Variants in GTF2I observed in about 807,000 individuals in gnomAD.
The protein encoded by GTF2I is general transcription factor IIi, also known as general transcription factor II-I.
A neutral mutation model predicts 67.6 loss-of-function variants in GTF2I; 12 were observed. That is an observed-to-expected ratio of 0.18 (90% CI 0.11 to 0.29). GTF2I has a LOEUF of 0.29. Ranked by LOEUF, GTF2I falls within the 10% of genes least tolerant of loss-of-function variation. GTF2I has a pLI of 1.00. For synonymous variants in GTF2I, 149 were observed against 197.0 expected, an observed-to-expected ratio of 0.76 and a Z score of 2.04; for missense variants, 271 against 580.1, an observed-to-expected ratio of 0.47 and a Z score of 5.47.
At chr7:74,658,556 C>T (rs1554384797) in intron 1 of GTF2I, among the ~76,000 whole-genome samples, 2 of 149,932 alleles carry the variant, frequency 1.3e-5, no homozygotes, top group Non-Finnish European at 3.0e-5. Context: ...GGGTCGCGCT[C>T]GCCTGGTGTA....
intron 1 of GTF2I, among the ~76,000 whole-genome samples, chr7:74,676,880 A>C (rs908379234): frequency 6.6e-6 from 1 of 151,940 alleles, no homozygotes; most frequent in African/African-American, 2.4e-5. Context: ...ACATGGGGAA[A>C]CCCTGTCTCT....
chr7:74,659,238 T>A (rs1804252224), intron 1 of GTF2I, among the ~76,000 whole-genome samples: 1 of 151,946 alleles, frequency 6.6e-6, no homozygotes, highest in African/African-American at 2.4e-5. Context: ...TTCTTTTTTT[T>A]TTTTAGAAAC....
intron 1 of GTF2I, among the ~76,000 whole-genome samples, chr7:74,679,106 TCTCA>T (rs1462760834): frequency 6.7e-6 from 1 of 150,104 alleles, no homozygotes; most frequent in East Asian, 2.0e-4. Flanking sequence ...TGAGATGGAG[TCTCA>T]CTCTGTTGCT....
chr7:74,677,893 A>G (rs1332015602), intron 1 of GTF2I, among the ~76,000 whole-genome samples: 3 of 152,148 alleles, frequency 2.0e-5, no homozygotes, highest in Non-Finnish European at 4.4e-5. Context: ...AAGACACCAG[A>G]AAACCAAGAA....
At chr7:74,677,354 A>G (rs1805987234) in intron 1 of GTF2I, among the ~76,000 whole-genome samples, 1 of 152,132 alleles carries the variant, frequency 6.6e-6, no homozygotes, top group East Asian at 1.9e-4. Flanking sequence ...TAAAAGTTTG[A>G]GATGTCACTA....
chr7:74,665,515 G>C (rs1554388209), intron 1 of GTF2I, among the ~76,000 whole-genome samples: 1 of 151,100 alleles, frequency 6.6e-6, no homozygotes, highest in Non-Finnish European at 1.5e-5. Flanking sequence ...GCCTCTCAAA[G>C]GCTGGGATTA....
chr7:74,697,916 G>A (rs1789118394), intron 3 of GTF2I, among the ~76,000 whole-genome samples: 1 of 147,964 alleles, frequency 6.8e-6, no homozygotes, highest in Non-Finnish European at 1.5e-5. Context: ...CTACAGGTGT[G>A]TGCCACCATG....
At chr7:74,753,429 T>C (rs587637967) in intron 29 of GTF2I, among the ~76,000 whole-genome samples, 1 of 152,342 alleles carries the variant, frequency 6.6e-6, no homozygotes, top group African/African-American at 2.4e-5. Flanking sequence ...CCCAGCACTT[T>C]GGGAGCCCGA....
At chr7:74,674,069 CTT>C (rs35948360) in intron 1 of GTF2I, among the ~76,000 whole-genome samples, 24,276 of 132,442 alleles carry the variant, frequency 0.18, 3,942 homozygotes, top group African/African-American at 0.44. Context: ...TGATCTATGA[CTT>C]TTTTTTTTTT....
intron 1 of GTF2I, among the ~76,000 whole-genome samples, chr7:74,660,624 T>TC (rs1410198937): frequency 1.4e-5 from 2 of 147,830 alleles, no homozygotes; most frequent in South Asian, 4.3e-4. Flanking sequence ...TTCTTTTCTT[T>TC]TTTTTTTTTT....
intron 3 of GTF2I, among the ~76,000 whole-genome samples, chr7:74,693,575 G>C (rs1339329494): frequency 6.6e-6 from 1 of 151,992 alleles, no homozygotes; most frequent in African/African-American, 2.4e-5. Flanking sequence ...GGCCAGGCAC[G>C]GTGGCTCATG....
intron 1 of GTF2I, among the ~76,000 whole-genome samples, chr7:74,686,858 AAT>A (rs1165926233): frequency 3.3e-5 from 5 of 152,062 alleles, no homozygotes; most frequent in African/African-American, 9.6e-5. Flanking sequence ...TGTTTGTTCA[AAT>A]ATATGGGGAT....
chr7:74,677,781 CA>C lies in GTF2I; in HGVS notation c.-5-11328del, dbSNP rs67938540. On this transcript the variant is annotated intron_variant, in intron 1 of 34. Transcript: ENST00000573035. ...TGGGCGACAGAGTGAGATTCTGTCT[CA>C]AAAAAAAAAAAAAAGTAAATTTGGG... Among the ~76,000 whole-genome samples, 21 of 72,162 alleles carry C rather than the reference CA, an allele frequency of 2.9e-4. 1 individual carries two copies. Among genetic ancestry groups the C allele is most frequent in the Non-Finnish European group, 3.6e-4 (15 of 41,778 alleles). 47.3% of individuals were successfully genotyped at this position (72,162 alleles called of 152,430 possible).
rs782542929 is a variant in GTF2I at position 74,689,159 on chromosome 7, G to A, written c.31G>A (p.Val11Ile). The change falls in exon 2 of 35, where the codon GTT becomes ATT. Residue 11 changes from valine (V) to isoleucine (I), a missense_variant. Around this residue, in one of 9 missense-constraint regions of GTF2I, gnomAD observed 17 missense variants for 18.2 expected, o/e 0.94. Coordinates refer to ENST00000573035, the MANE Select transcript of GTF2I (RefSeq NM_032999.4). ...CCAAGTTGCAATGTCCACCCTCCCCGTTGAAGATGAGGAGTCCTCGGAGAG... is the reference window on the plus strand; with the variant it reads ...CCAAGTTGCAATGTCCACCCTCCCCATTGAAGATGAGGAGTCCTCGGAGAG... MAQVAMSTLP[V>I]EDEESSESRM... 13 of 1,612,444 alleles carry A rather than the reference G, an allele frequency of 8.1e-6. No homozygotes were observed. Among genetic ancestry groups the A allele is most frequent in the African/African-American group, 2.7e-5 (2 of 74,818 alleles).
intron 1 of GTF2I, among the ~76,000 whole-genome samples, chr7:74,685,517 G>A (rs782378675): frequency 6.0e-5 from 9 of 151,134 alleles, no homozygotes; most frequent in Non-Finnish European, 1.0e-4. Context: ...CAAAAGGCCG[G>A]GCGTGGTGGG....
intron 3 of GTF2I, among the ~76,000 whole-genome samples, chr7:74,693,071 T>C (rs1171806143): frequency 1.3e-5 from 2 of 151,830 alleles, no homozygotes; most frequent in Non-Finnish European, 2.9e-5. Context: ...CGGGCATATC[T>C]CATTTTTTTT....
intron 1 of GTF2I, among the ~76,000 whole-genome samples, chr7:74,683,616 G>A (rs1787441220): frequency 6.6e-6 from 1 of 152,178 alleles, no homozygotes; most frequent in South Asian, 2.1e-4. Context: ...ACTTTGGGAG[G>A]CTGAAGCGGG....
At chr7:74,691,289 C>T (rs1374844438) in intron 3 of GTF2I, among the ~76,000 whole-genome samples, 178 bp downstream of exon 3, 8 of 151,724 alleles carry the variant, frequency 5.3e-5, no homozygotes, top group Non-Finnish European at 7.4e-5. Flanking sequence ...TCACCACAAC[C>T]CCCGCTGCGT....
intron 12 of GTF2I, among the ~76,000 whole-genome samples, chr7:74,723,541 C>T (rs193100316): frequency 4.9e-4 from 73 of 148,010 alleles, no homozygotes; most frequent in Middle Eastern, 7.0e-3. Context: ...AGTGATTCTC[C>T]TGCCTCAGCC....
Sources: gnomAD v4.1 joint callset for allele counts (sites outside exome capture counted in the v4.1 genomes callset) on GRCh38, gnomAD v4.1.1 for gene constraint, gnomAD v4.1.1 regional missense constraint, MANE v1.5 for transcripts, NCBI Gene and HGNC (gene_info 2026-07-23, HGNC 2026-07-21) for gene names.